Variants in PCDH11X observed in about 807,000 individuals in gnomAD.
PCDH11X encodes the protein protocadherin 11 X-linked, also known as protocadherin-11 X-linked.
A neutral mutation model predicts 53.3 loss-of-function variants in PCDH11X; 18 were observed. That is an observed-to-expected ratio of 0.34 (90% CI 0.23 to 0.50). The LOEUF (loss-of-function observed/expected upper bound fraction) is 0.50. PCDH11X is among the 20% of genes least tolerant of loss of function. The pLI, the probability that PCDH11X is intolerant of heterozygous loss-of-function variation, is 0.98. For synonymous variants in PCDH11X, 279 were observed against 393.3 expected (o/e 0.71, Z 3.44); for missense variants, 570 against 1,032.4 (o/e 0.55, Z 6.14).
At chrX:92,239,992 CTT>C (rs780070264) in intron 7 of PCDH11X, among the ~76,000 whole-genome samples, 105 of 111,957 alleles carry the variant, frequency 9.4e-4, no homozygotes, top group African/African-American at 3.2e-3. Flanking sequence ...AGTATACAGA[CTT>C]ATTTGTTTCT....
At chrX:92,230,787 G>A (rs2067062439) in intron 7 of PCDH11X, among the ~76,000 whole-genome samples, 1 of 108,017 alleles carries the variant, frequency 9.3e-6, no homozygotes, top group South Asian at 4.0e-4. Context: ...CAACTTGCCA[G>A]TGCTGCTGAT....
At chrX:92,250,130 T>C (rs992536778) in intron 7 of PCDH11X, among the ~76,000 whole-genome samples, 2 of 112,045 alleles carry the variant, frequency 1.8e-5, no homozygotes, top group African/African-American at 3.2e-5. Flanking sequence ...AGGATGAGTT[T>C]GGCACTTTTT....
At position 92,619,006 on chromosome X, in the gene PCDH11X, A is replaced by G. The variant is rs1928296591; in HGVS notation, c.*66A>G. ...TAGTCAAAATTTAAGATACAATTCC[A>G]ATGAGTATTCTGATTATCAGATTTG... On this transcript the variant is annotated 3_prime_UTR_variant, in exon 11 of 11. Transcript: ENST00000682573. 9.6e-7 allele frequency: 1 copy of G among 1,042,377 alleles called. No homozygotes were observed. The highest frequency in any genetic ancestry group is 2.3e-5 in the Admixed American group (1 of 43,577). The allele number at this position is 1,042,377 out of a possible 1,213,427, so 85.9% of individuals were successfully genotyped here.
At chrX:92,231,151 A>C (rs2148370116) in intron 7 of PCDH11X, among the ~76,000 whole-genome samples, 1 of 111,624 alleles carries the variant, frequency 9.0e-6, no homozygotes, top group Non-Finnish European at 1.9e-5. Context: ...CACCCAAATT[A>C]GAAACAGAAA....
intron 8 of PCDH11X, among the ~76,000 whole-genome samples, chrX:92,318,353 G>T (rs1172244012): frequency 3.6e-5 from 4 of 111,467 alleles, no homozygotes; most frequent in Non-Finnish European, 7.5e-5. Context: ...GAAAAGTCTT[G>T]CCTGTACAAT....
At chrX:92,303,868 C>T (rs2068771984) in intron 8 of PCDH11X, among the ~76,000 whole-genome samples, 1 of 110,011 alleles carries the variant, frequency 9.1e-6, no homozygotes, top group Admixed American at 9.8e-5. Context: ...GCTCTACAAT[C>T]ATACCTCACA....
chrX:92,289,815 A>G (rs2068456667), intron 8 of PCDH11X, among the ~76,000 whole-genome samples: 1 of 111,088 alleles, frequency 9.0e-6, no homozygotes, highest in South Asian at 3.8e-4. Context: ...TTAAATAACT[A>G]ATGCAGATCA....
intron 7 of PCDH11X, among the ~76,000 whole-genome samples, chrX:92,254,526 T>C (rs12558252): frequency 0.033 from 3,614 of 108,803 alleles, 107 homozygotes; most frequent in East Asian, 0.21. Context: ...ATGCAGTTTC[T>C]TCCTAGTCTC....
chrX:92,292,649 T>C (rs2068516015), intron 8 of PCDH11X, among the ~76,000 whole-genome samples: 1 of 111,552 alleles, frequency 9.0e-6, no homozygotes, highest in African/African-American at 3.3e-5. Context: ...TTTTGCTATG[T>C]AATCTTTCTG....
chrX:92,107,936 T>C (rs769438857), intron 6 of PCDH11X, among the ~76,000 whole-genome samples: 7 of 112,211 alleles, frequency 6.2e-5, no homozygotes, highest in African/African-American at 2.3e-4. Flanking sequence ...GTCAAATTAA[T>C]TTATCAGTGC....
chrX:91,966,354 A>T (rs2061863493), intron 6 of PCDH11X, among the ~76,000 whole-genome samples: 1 of 110,898 alleles, frequency 9.0e-6, no homozygotes, highest in Non-Finnish European at 1.9e-5. Context: ...GGCAAAATTA[A>T]CTTATTCAGA....
chrX:92,507,192 T>C (rs1264081651), intron 10 of PCDH11X, among the ~76,000 whole-genome samples: 1 of 110,942 alleles, frequency 9.0e-6, no homozygotes, highest in Non-Finnish European at 1.9e-5. Flanking sequence ...CATTGATCTT[T>C]TGTATGTTTT....
At chrX:92,257,836 T>C (rs2067628585) in intron 7 of PCDH11X, among the ~76,000 whole-genome samples, 1 of 112,050 alleles carries the variant, frequency 8.9e-6, no homozygotes, top group Non-Finnish European at 1.9e-5. Flanking sequence ...CTTGTGGCTT[T>C]TCCAGGCACA....
chrX:92,567,770 C>A (rs1372970914), intron 10 of PCDH11X, among the ~76,000 whole-genome samples: 1 of 104,234 alleles, frequency 9.6e-6, no homozygotes, highest in Admixed American at 1.1e-4. Context: ...GGTTTGTTCT[C>A]ACTTATACAT....
At chrX:92,013,774 A>C (rs1260787205) in intron 6 of PCDH11X, among the ~76,000 whole-genome samples, 16 of 111,723 alleles carry the variant, frequency 1.4e-4, no homozygotes, top group East Asian at 2.8e-4. Context: ...CAAAAACAAG[A>C]AATGGGGAAA....
chrX:91,819,496 T>C (rs886411717), intron 4 of PCDH11X, among the ~76,000 whole-genome samples: 2 of 109,831 alleles, frequency 1.8e-5, no homozygotes, highest in Admixed American at 1.9e-4. Flanking sequence ...ATTCATAAAA[T>C]AATGAATACT....
intron 10 of PCDH11X, among the ~76,000 whole-genome samples, chrX:92,474,064 C>T (rs1227962262): frequency 5.4e-5 from 6 of 110,919 alleles, no homozygotes; most frequent in African/African-American, 2.0e-4. Context: ...TAAGTCTCCA[C>T]CTATTACTGT....
chrX:92,331,971 A>G (rs2069501529), intron 8 of PCDH11X, among the ~76,000 whole-genome samples: 2 of 111,730 alleles, frequency 1.8e-5, no homozygotes. Flanking sequence ...TGCTCAATGT[A>G]GTGTTCCATG....
At chrX:91,972,708 C>G (rs1342329338) in intron 6 of PCDH11X, among the ~76,000 whole-genome samples, 32 of 107,746 alleles carry the variant, frequency 3.0e-4, no homozygotes, top group Non-Finnish European at 5.8e-4. Flanking sequence ...AATAGGGAAT[C>G]CTTTCCCCAT....
Sources: gnomAD v4.1 joint callset for allele counts (sites outside exome capture counted in the v4.1 genomes callset) on GRCh38, gnomAD v4.1.1 for gene constraint, MANE v1.5 for transcripts, NCBI Gene and HGNC (gene_info 2026-07-23, HGNC 2026-07-21) for gene names.